CRISPLD1: variants seen among roughly 807,000 people sequenced by gnomAD.
CRISPLD1 encodes cysteine rich secretory protein LCCL domain containing 1, also known as cysteine-rich secretory protein LCCL domain-containing 1.
Under a neutral mutation model 77.5 loss-of-function variants are expected in CRISPLD1, and 60 were observed. That is an observed-to-expected ratio of 0.77 (90% CI 0.63 to 0.96). The LOEUF (loss-of-function observed/expected upper bound fraction) is 0.96. Ranked by LOEUF, CRISPLD1 falls within the 40% of genes least tolerant of loss-of-function variation. The probability of loss-of-function intolerance (pLI) is 0.00; values close to 1 mark genes in which losing one functional copy is unlikely to be tolerated. For missense variants in CRISPLD1, 623 were observed against 615.8 expected (o/e 1.01, Z -0.12); for synonymous variants, 195 against 200.1 (o/e 0.97, Z 0.22).
At chr8:75,024,674 A>G (rs949105595) in intron 12 of CRISPLD1, among the ~76,000 whole-genome samples, 1 of 152,142 alleles carries the variant, frequency 6.6e-6, no homozygotes, top group Non-Finnish European at 1.5e-5. Flanking sequence ...GAGAGGGCCA[A>G]ATTGGAAGCA....
Position 75,012,915 on chromosome 8 carries a change from C to G in CRISPLD1, c.403C>G (p.Gln135Glu). 1 of 1,612,452 alleles carries G rather than the reference C, an allele frequency of 6.2e-7. No homozygotes were observed. The highest frequency in any genetic ancestry group is 8.5e-7 in the Non-Finnish European group (1 of 1,179,150). The change falls in exon 4 of 15, where the codon CAA becomes GAA. Residue 135 changes from glutamine to glutamate, a missense_variant. By Grantham distance (29) the Gln-to-Glu change is conservative (BLOSUM62 2). Transcript: ENST00000262207. ...ATATAGGCCCCCGACGTTTCATGTA[C>G]AATCGTGGTATGATGAAGTGAAAGA... ...GRYRPPTFHV[Q>E]SWYDEVKDFS...
chr8:75,009,267 A>G (rs1381159165), intron 2 of CRISPLD1, among the ~76,000 whole-genome samples: 1 of 151,766 alleles, frequency 6.6e-6, no homozygotes, highest in Non-Finnish European at 1.5e-5. Context: ...CCAGCTACCT[A>G]TTCATGGTAA....
chr8:75,000,510 C>A, intron 2 of CRISPLD1: 1 of 784,422 alleles, frequency 1.3e-6, no homozygotes, highest in Non-Finnish European at 1.5e-6. Flanking sequence ...ACAAATCTTG[C>A]CAAGCCTGCT....
rs115576166 is a variant in CRISPLD1 at position 75,025,666 on chromosome 8, A to T, written c.1320+45A>T. The T allele has an allele frequency of 5.9e-4, 578 of 980,440 alleles. 2 individuals carry two copies. In the African/African-American group the frequency reaches 8.2e-3, roughly 14 times the overall value. The allele number at this position is 980,440 out of a possible 1,614,324, so 60.7% of individuals were successfully genotyped here. On this transcript the variant is annotated intron_variant, in intron 13 of 14. Coordinates refer to ENST00000262207, the MANE Select transcript of CRISPLD1 (RefSeq NM_031461.6). ...CAGCTGTCAACATTCATGTATATAT[A>T]TAAATGTATAGACACATTTAAATGT...
At chr8:74,993,380 A>C (rs1040610590) in intron 2 of CRISPLD1, among the ~76,000 whole-genome samples, 2 of 152,190 alleles carry the variant, frequency 1.3e-5, no homozygotes, top group Non-Finnish European at 2.9e-5. Flanking sequence ...TTCTGTTTAA[A>C]GAATATCATT....
intron 12 of CRISPLD1, among the ~76,000 whole-genome samples, chr8:75,024,015 C>T (rs1813188607): frequency 6.6e-6 from 1 of 152,124 alleles, no homozygotes; most frequent in East Asian, 1.9e-4. Context: ...TGAGCTAAGC[C>T]AACCAGATAT....
At chr8:75,004,845 T>C (rs553747064) in intron 2 of CRISPLD1, among the ~76,000 whole-genome samples, 2 of 152,248 alleles carry the variant, frequency 1.3e-5, no homozygotes, top group African/African-American at 4.8e-5. Context: ...GTGCAAAAAA[T>C]TATATTTAGA....
chr8:75,003,738 A>G (rs1270210674), intron 2 of CRISPLD1, among the ~76,000 whole-genome samples: 1 of 151,322 alleles, frequency 6.6e-6, no homozygotes, highest in African/African-American at 2.4e-5. Flanking sequence ...GATTTTCTTG[A>G]TAAGTGAGTT....
At chr8:74,994,068 C>A (rs1050263700) in intron 2 of CRISPLD1, among the ~76,000 whole-genome samples, 2 of 152,184 alleles carry the variant, frequency 1.3e-5, no homozygotes, top group Non-Finnish European at 2.9e-5. Context: ...ATCTTACTTA[C>A]AATTACTCAG....
intron 14 of CRISPLD1, among the ~76,000 whole-genome samples, chr8:75,031,228 C>T (rs961520511): frequency 6.6e-6 from 1 of 151,952 alleles, no homozygotes; most frequent in African/African-American, 2.4e-5. Context: ...CTTATTTTTG[C>T]TCACTCAAAT....
chr8:75,011,872 A>G (rs111680199), intron 2 of CRISPLD1, among the ~76,000 whole-genome samples: 12 of 152,164 alleles, frequency 7.9e-5, no homozygotes, highest in Non-Finnish European at 1.8e-4. Flanking sequence ...GCAGATACTG[A>G]TATTACAATG....
chr8:75,015,411 A>C (rs1352433170), intron 6 of CRISPLD1, among the ~76,000 whole-genome samples: 1 of 152,184 alleles, frequency 6.6e-6, no homozygotes, highest in East Asian at 1.9e-4. Flanking sequence ...GAAAAGTATA[A>C]TAGTAACATA....
intron 3 of CRISPLD1, 48 bp from the exon 4 acceptor site, chr8:75,012,842 A>G: frequency 6.4e-7 from 1 of 1,569,968 alleles, no homozygotes; most frequent in Non-Finnish European, 8.7e-7. Flanking sequence ...TTAGTTTTGT[A>G]TTTTCTCCAA....
intron 6 of CRISPLD1, among the ~76,000 whole-genome samples, chr8:75,015,949 C>G (rs1813020108): frequency 6.6e-6 from 1 of 151,876 alleles, no homozygotes; most frequent in South Asian, 2.1e-4. Context: ...AATTATACAC[C>G]TCTCCAAAAT....
chr8:74,987,790 TAAGG>T (rs1212072835), intron 2 of CRISPLD1, among the ~76,000 whole-genome samples: 1 of 152,160 alleles, frequency 6.6e-6, no homozygotes, highest in East Asian at 1.9e-4. Context: ...TTACTTAAAA[TAAGG>T]AAGACTTGGG....
In CRISPLD1 at chr8:75,014,838, A is replaced by G. The variant is rs771493194; in HGVS notation, c.653A>G (p.Tyr218Cys). The change falls in exon 6 of 15, where the codon TAC becomes TGC. Residue 218 changes from tyrosine to cysteine, a missense_variant. Tyr to Cys is a radical substitution (Grantham distance 194). Coordinates refer to ENST00000262207, the MANE Select transcript of CRISPLD1 (RefSeq NM_031461.6). The part of the protein sequence containing the change: ...PKGNWWGHAP[Y>C]KHGRPCSACP... ...GGAAACTGGTGGGGCCATGCCCCTTACAAACATGGGCGGCCCTGTTCTGCT... is the reference window on the plus strand; with the variant it reads ...GGAAACTGGTGGGGCCATGCCCCTTGCAAACATGGGCGGCCCTGTTCTGCT... 3.8e-6 allele frequency: 6 copies of G among 1,593,152 alleles called. No individual in the cohort carries two copies. Among genetic ancestry groups the G allele is most frequent in the Non-Finnish European group, 5.1e-6 (6 of 1,172,626 alleles).
intron 12 of CRISPLD1, among the ~76,000 whole-genome samples, chr8:75,024,694 T>C (rs981822805): frequency 6.6e-6 from 1 of 152,056 alleles, no homozygotes; most frequent in African/African-American, 2.4e-5. Context: ...AGGGAGACCA[T>C]AGAAGAAGCA....
intron 6 of CRISPLD1, among the ~76,000 whole-genome samples, chr8:75,015,817 T>C (rs1307846868): frequency 1.3e-5 from 2 of 152,134 alleles, no homozygotes; most frequent in Non-Finnish European, 2.9e-5. Context: ...TTTCATATTC[T>C]CTGTGTCCAA....
rs1026929438 is a variant in CRISPLD1, at chr8:74,987,908, C to CA, written c.258+1671dup. ...GTGATTCGTTTTCATGTCTGGCTTCCAAAAAAAATAATAATAATAACTGCC... is the reference window on the plus strand; with the variant it reads ...GTGATTCGTTTTCATGTCTGGCTTCCAAAAAAAAATAATAATAATAACTGCC... On this transcript the variant is annotated intron_variant, in intron 2 of 14. Transcript: ENST00000262207. 2.6e-5 allele frequency among the ~76,000 whole-genome samples: 4 copies of CA among 151,638 alleles called. No individual in the cohort carries two copies. The South Asian group carries it at 8.4e-4, about 32-fold the overall frequency.
Sources: allele counts gnomAD v4.1 joint callset (sites outside exome capture counted in the v4.1 genomes callset), GRCh38; gene constraint gnomAD v4.1.1; transcripts MANE v1.5; gene names NCBI Gene and HGNC (gene_info 2026-07-23, HGNC 2026-07-21).